DYSF: variants seen among roughly 807,000 people sequenced by gnomAD.
DYSF encodes dysferlin.
Under a neutral mutation model 274.9 loss-of-function variants are expected in DYSF, and 212 were observed. The ratio of observed to expected loss-of-function variants is 0.77; its 90% CI spans 0.69 to 0.86. The LOEUF is 0.86. Ranked by LOEUF, DYSF falls within the 40% of genes least tolerant of loss-of-function variation. The pLI is 0.00. For synonymous variants in DYSF, 1,091 were observed against 1,078.7 expected (o/e 1.01, Z -0.22); for missense variants, 2,666 against 2,783.2 (o/e 0.96, Z 0.95).
chr2:71,495,506 T>C (rs141657039), intron 3 of DYSF, among the ~76,000 whole-genome samples: 2 of 152,198 alleles, frequency 1.3e-5, no homozygotes, highest in Non-Finnish European at 2.9e-5. Flanking sequence ...GAGTGTGACA[T>C]CCTAGGGTCA....
Position 71,570,740 on chromosome 2 carries a change from G to A in DYSF, c.3227G>A (p.Arg1076Lys). The stretch of plus-strand genomic sequence containing the variant: ...CTCAGCCAAATGGAAGCACTGAAAA[G>A]GGTGAGCCAGCAGGTGGTGGGTGGG... ...RDLSQMEALK[R>K]HRQAEAEGEG... Residue 1076 changes from arginine to lysine, a missense_variant and splice_region_variant, in exon 29 of 56, where the codon AGG becomes AAG. Around this residue, in one of 3 missense-constraint regions of DYSF, gnomAD observed 1,460 missense variants for 1,502.1 expected, o/e 0.97. Coordinates refer to ENST00000410020, the MANE Select transcript of DYSF (RefSeq NM_001130987.2). 6.2e-7 allele frequency: 1 copy of A among 1,613,714 alleles called. No individual in the cohort carries two copies. Among genetic ancestry groups the A allele is most frequent in the Non-Finnish European group, 8.5e-7 (1 of 1,179,910 alleles).
chr2:71,535,241 C>T lies in DYSF; in HGVS notation c.1450-27C>T, dbSNP rs540796428. 26 of 1,613,222 alleles carry T rather than the reference C, an allele frequency of 1.6e-5. No homozygotes were observed. In the South Asian group the frequency reaches 2.5e-4, roughly 16 times the overall value. The stretch of plus-strand genomic sequence containing the variant: ...GTTCTATCTTCAAAAGGACTCTTCT[C>T]CCAACACGCCTCTATTCCTTCCTCA... On this transcript the variant is annotated intron_variant, in intron 15 of 55. Coordinates refer to ENST00000410020, the MANE Select transcript of DYSF (RefSeq NM_001130987.2).
intron 36 of DYSF, among the ~76,000 whole-genome samples, chr2:71,607,140 G>A (rs934957095): frequency 2.6e-5 from 4 of 152,166 alleles, no homozygotes; most frequent in Non-Finnish European, 4.4e-5. Context: ...TGGGAGCTAC[G>A]GGGGTACTTA....
At chr2:71,536,403 G>A (rs1274067852) in intron 16 of DYSF, among the ~76,000 whole-genome samples, 1 of 152,260 alleles carries the variant, frequency 6.6e-6, no homozygotes, top group Non-Finnish European at 1.5e-5. Context: ...GGGCCTGTGA[G>A]GGAGAGGCCG....
Position 71,592,124 on chromosome 2 carries a change from G to A in DYSF, c.3574+1836G>A, listed in dbSNP as rs1050497146. On this transcript the variant is annotated intron_variant, in intron 32 of 55. Coordinates refer to ENST00000410020, the MANE Select transcript of DYSF (RefSeq NM_001130987.2). ...CGTGAGAGGTGAGGGTGCCGGGAGCGGGTTTGTGAGAGGGGGATGGCCAGG... is the reference window on the plus strand; with the variant it reads ...CGTGAGAGGTGAGGGTGCCGGGAGCAGGTTTGTGAGAGGGGGATGGCCAGG... Among the ~76,000 whole-genome samples, 4 of 152,296 alleles carry A rather than the reference G, an allele frequency of 2.6e-5. No homozygotes were observed. In the East Asian group the frequency reaches 7.7e-4, roughly 29 times the overall value.
At chr2:71,678,269 C>G (rs1456522543) in intron 52 of DYSF, among the ~76,000 whole-genome samples, 1 of 152,034 alleles carries the variant, frequency 6.6e-6, no homozygotes, top group Non-Finnish European at 1.5e-5. Context: ...GACTTTGGAG[C>G]ATTTCAAATT....
chr2:71,660,085 C>A (rs1229489826), intron 44 of DYSF, among the ~76,000 whole-genome samples: 1 of 152,212 alleles, frequency 6.6e-6, no homozygotes, highest in African/African-American at 2.4e-5. Context: ...TAACCCTGGG[C>A]ACTCTGCAGC....
intron 31 of DYSF, 84 bp from the exon 32 acceptor site, chr2:71,590,127 G>T: frequency 1.4e-6 from 2 of 1,387,186 alleles, no homozygotes; most frequent in South Asian, 1.2e-5. Flanking sequence ...CCTTTCTAGG[G>T]ACAGACTCCA....
intron 41 of DYSF, among the ~76,000 whole-genome samples, chr2:71,632,286 C>G (rs963341441): frequency 5.3e-5 from 8 of 152,190 alleles, no homozygotes; most frequent in African/African-American, 1.9e-4. Flanking sequence ...TAACTCTTCT[C>G]TACATTAACC....
At chr2:71,624,822 A>T (rs4146417) in intron 41 of DYSF, among the ~76,000 whole-genome samples, 40,382 of 152,066 alleles carry the variant, frequency 0.27, 6,485 homozygotes, top group East Asian at 0.39. Context: ...ATAAGATGCA[A>T]CTGTCTTGTA....
Position 71,682,687 on chromosome 2 carries a change from C to G in DYSF, c.6321+10C>G. The G allele has an allele frequency of 3.1e-6, 5 of 1,612,898 alleles. No individual in the cohort carries two copies. Among genetic ancestry groups the G allele is most frequent in the Non-Finnish European group, 4.2e-6 (5 of 1,179,422 alleles). On this transcript the variant is annotated intron_variant, in intron 55 of 55. Coordinates refer to ENST00000410020, the MANE Select transcript of DYSF (RefSeq NM_001130987.2). The stretch of plus-strand genomic sequence containing the variant: ...CATCTACGCCTTCCCGGTGAGCAGG[C>G]CTGACGACACTGTGGTGGGGGAACT...
intron 26 of DYSF, 96 bp downstream of exon 26, chr2:71,568,434 C>T: frequency 6.6e-7 from 1 of 1,504,352 alleles, no homozygotes; most frequent in Non-Finnish European, 9.0e-7. Context: ...TCTGTTGATC[C>T]CTCTGCTTGC....
intron 3 of DYSF, among the ~76,000 whole-genome samples, chr2:71,496,304 G>A (rs139404670): frequency 6.6e-6 from 1 of 152,288 alleles, no homozygotes; most frequent in East Asian, 1.9e-4. Flanking sequence ...ACCAGTCTGG[G>A]CAGCAGAGTG....
chr2:71,586,511 T>C (rs2093073219), intron 30 of DYSF, among the ~76,000 whole-genome samples: 1 of 151,544 alleles, frequency 6.6e-6, no homozygotes, highest in South Asian at 2.1e-4. Context: ...GAGCGTTGGT[T>C]CCTCCCCCTG....
chr2:71,516,592 T>G (rs115138284), intron 9 of DYSF, among the ~76,000 whole-genome samples: 241 of 152,276 alleles, frequency 1.6e-3, no homozygotes, highest in African/African-American at 5.6e-3. Context: ...ACATTTAAGG[T>G]TCCATCTTAT....
At chr2:71,574,168 G>T (rs780189283) in intron 29 of DYSF, 30 bp from the exon 30 acceptor site, 5 of 1,610,506 alleles carry the variant, frequency 3.1e-6, no homozygotes, top group Non-Finnish European at 4.2e-6. Flanking sequence ...CTTCCCACCG[G>T]CCTCTGAGTC....
chr2:71,592,153 G>A (rs185300130), intron 32 of DYSF, among the ~76,000 whole-genome samples: 2 of 152,310 alleles, frequency 1.3e-5, no homozygotes, highest in African/African-American at 4.8e-5. Context: ...GGCCAGGGGG[G>A]GCCCAGGCAG....
chr2:71,674,333 G>T lies in DYSF; in HGVS notation c.5884+37G>T, dbSNP rs560307157. The T allele has an allele frequency of 6.3e-6, 10 of 1,599,514 alleles. No homozygotes were observed. In the East Asian group the frequency reaches 2.2e-4, roughly 36 times the overall value. On this transcript the variant is annotated intron_variant, in intron 52 of 55. Transcript: ENST00000410020. ...TGCTAGAATCCCATTCTGCACATGG[G>T]GGCTGCCCCAGAACCCACACTGTGT...
intron 29 of DYSF, among the ~76,000 whole-genome samples, chr2:71,571,372 GCACAGATCACAGTCAGCACA>G (rs1163375368): frequency 6.7e-5 from 5 of 74,400 alleles, no homozygotes; most frequent in Non-Finnish European, 1.3e-4. Flanking sequence ...CCCAGCACAT[GCACAGATCACAGTCAGCACA>G]CACAGATCAC....
Sources: gnomAD v4.1 joint callset for allele counts (sites outside exome capture counted in the v4.1 genomes callset) on GRCh38, gnomAD v4.1.1 for gene constraint, gnomAD v4.1.1 regional missense constraint, MANE v1.5 for transcripts, NCBI Gene and HGNC (gene_info 2026-07-23, HGNC 2026-07-21) for gene names.